Variants in STAT5B observed in about 807,000 individuals in gnomAD.
STAT5B encodes signal transducer and activator of transcription 5B.
In STAT5B, 21 loss-of-function variants were observed where a neutral mutation model predicts 107.8. The observed-to-expected ratio is 0.19, with a 90% CI of 0.14 to 0.28. The LOEUF (loss-of-function observed/expected upper bound fraction) is 0.28, where lower values mean the gene tolerates loss of function less well. STAT5B is among the 10% of genes least tolerant of loss of function. STAT5B has a pLI of 1.00. For synonymous variants in STAT5B, 325 were observed against 401.7 expected (o/e 0.81, Z 2.28); for missense variants, 565 against 1,008.2 (o/e 0.56, Z 5.95).
intron 13 of STAT5B, 129 bp from the exon 14 acceptor site, chr17:42,210,626 GCCTA>G: frequency 1.1e-6 from 1 of 879,684 alleles, no homozygotes; most frequent in Non-Finnish European, 1.8e-6. Context: ...AAATATCCCC[GCCTA>G]CCTGAGTTTT....
chr17:42,262,942 ATG>A (rs755220447), intron 1 of STAT5B, among the ~76,000 whole-genome samples: 5,181 of 45,112 alleles, frequency 0.11, 572 homozygotes, highest in African/African-American at 0.2. Context: ...ATGTATATAT[ATG>A]TGTGTGTGTG....
intron 3 of STAT5B, among the ~76,000 whole-genome samples, chr17:42,226,225 G>C (rs1207084210): frequency 3.3e-5 from 5 of 152,106 alleles, no homozygotes; most frequent in African/African-American, 1.2e-4. Context: ...GTGAGCCACT[G>C]CACCCAGCCT....
chr17:42,207,524 C>A (rs965478145), intron 16 of STAT5B, 34 bp downstream of exon 16: 16 of 1,471,394 alleles, frequency 1.1e-5, no homozygotes, highest in Non-Finnish European at 1.4e-5. Flanking sequence ...CACACACACA[C>A]AACAAAATCA....
intron 1 of STAT5B, among the ~76,000 whole-genome samples, chr17:42,264,574 G>T (rs367633376): frequency 2.0e-5 from 3 of 152,082 alleles, no homozygotes; most frequent in East Asian, 3.9e-4. Context: ...TCCATGGTGT[G>T]TATGTGCCAC....
chr17:42,252,669 T>C lies in STAT5B; in HGVS notation c.-10-20532A>G, dbSNP rs147362384. Among the ~76,000 whole-genome samples, 76 of 152,326 alleles carry C rather than the reference T, an allele frequency of 5.0e-4. No homozygotes were observed. In the East Asian group the frequency reaches 0.013, roughly 25 times the overall value. ...TTATTACAGGAATAATGGGAGTGAATCACACTTTATAGAAACCATGACGGA... is the reference window on the plus strand; with the variant it reads ...TTATTACAGGAATAATGGGAGTGAACCACACTTTATAGAAACCATGACGGA... On this transcript the variant is annotated intron_variant, in intron 1 of 18. Coordinates refer to ENST00000293328, the MANE Select transcript of STAT5B (RefSeq NM_012448.4).
intron 1 of STAT5B, among the ~76,000 whole-genome samples, chr17:42,248,028 A>G (rs867466092): frequency 1.4e-4 from 21 of 152,044 alleles, no homozygotes; most frequent in African/African-American, 3.6e-4. Flanking sequence ...CTGTAAACCC[A>G]GCACTCTGGG....
rs2144245550 is a variant in STAT5B, at chr17:42,218,230, T to C, written c.1090A>G (p.Met364Val). 6.2e-7 allele frequency: 1 copy of C among 1,614,158 alleles called. No individual in the cohort carries two copies. Among genetic ancestry groups the C allele is most frequent in the Non-Finnish European group, 8.5e-7 (1 of 1,180,016 alleles). Residue 364 changes from methionine (M) to valine (V), a missense_variant, in exon 9 of 19, where the codon ATG becomes GTG. This residue lies in a region of STAT5B where 70 missense variants were observed against 73.2 expected (regional missense o/e 0.96). Transcript: ENST00000293328. ...LLVGGKLNVHMNPPQVKATII... is the reference protein window; with the variant it reads ...LLVGGKLNVHVNPPQVKATII... ...GTGGCCTTCACCTGGGGGGGGTTCA[T>C]GTGCACGTTCAGCTTCCCGCCCACC...
At chr17:42,206,575 T>C (rs927851148) in intron 16 of STAT5B, among the ~76,000 whole-genome samples, 19 of 152,326 alleles carry the variant, frequency 1.2e-4, no homozygotes, top group Admixed American at 5.9e-4. Context: ...TTTTTTGTTT[T>C]CTTTTCTTTT....
chr17:42,209,836 T>G (rs1327582759), intron 15 of STAT5B, among the ~76,000 whole-genome samples: 1 of 152,206 alleles, frequency 6.6e-6, no homozygotes, highest in Non-Finnish European at 1.5e-5. Context: ...TGAAATAAGC[T>G]TTATGCAGAG....
chr17:42,278,234 C>T (rs966986275), upstream of STAT5B, among the ~76,000 whole-genome samples: 5 of 152,178 alleles, frequency 3.3e-5, no homozygotes, highest in South Asian at 4.1e-4. Flanking sequence ...TGTTGAAGGA[C>T]AATTTCATGT....
chr17:42,260,043 A>G (rs115125369), intron 1 of STAT5B, among the ~76,000 whole-genome samples: 2,087 of 152,276 alleles, frequency 0.014, 39 homozygotes, highest in African/African-American at 0.048. Context: ...GAAGGCCTAT[A>G]GCCACACTGT....
chr17:42,263,832 CTGTT>C (rs1397365586), intron 1 of STAT5B, among the ~76,000 whole-genome samples: 2 of 150,800 alleles, frequency 1.3e-5, no homozygotes, highest in African/African-American at 2.4e-5. Flanking sequence ...CAGCCATAAT[CTGTT>C]TATTATAGAA....
Position 42,210,878 on chromosome 17 carries a change from T to C in STAT5B, c.1681-381A>G, listed in dbSNP as rs540956511. ...TTTAAAACACCTTGGGGGTGGGGGG[T>C]GTAGGAAAAGAAACAAAAATTAAAT... On this transcript the variant is annotated intron_variant, in intron 13 of 18. Transcript: ENST00000293328. Among the ~76,000 whole-genome samples, 360 of 151,518 alleles carry C rather than the reference T, an allele frequency of 2.4e-3. 1 individual carries two copies. Among genetic ancestry groups the C allele is most frequent in the Non-Finnish European group, 2.8e-3 (190 of 67,898 alleles).
chr17:42,263,871 G>GCACACA (rs3222522), intron 1 of STAT5B, among the ~76,000 whole-genome samples: 8,388 of 144,936 alleles, frequency 0.058, 272 homozygotes, highest in East Asian at 0.092. Flanking sequence ...TAGAAAGCGC[G>GCACACA]CACACACACA....
At chr17:42,240,881 C>T (rs959590324) in intron 1 of STAT5B, among the ~76,000 whole-genome samples, 1 of 152,182 alleles carries the variant, frequency 6.6e-6, no homozygotes, top group African/African-American at 2.4e-5. Flanking sequence ...AAACCTAATA[C>T]TGAGGGGCTC....
chr17:42,211,906 G>C, intron 13 of STAT5B, 78 bp downstream of exon 13: 5 of 1,545,750 alleles, frequency 3.2e-6, no homozygotes. Context: ...AAGAATAAGG[G>C]CCCAGGGCAG....
chr17:42,227,393 A>G, intron 3 of STAT5B, 136 bp downstream of exon 3: 1 of 1,225,432 alleles, frequency 8.2e-7, no homozygotes, highest in Non-Finnish European at 1.1e-6. Context: ...AAAAAAAAAA[A>G]GACCAAAACC....
intron 1 of STAT5B, among the ~76,000 whole-genome samples, chr17:42,251,549 C>G (rs1363087332): frequency 6.6e-6 from 1 of 152,098 alleles, no homozygotes; most frequent in African/African-American, 2.4e-5. Flanking sequence ...GTGTGTAAGA[C>G]AGGATAACAA....
intron 9 of STAT5B, 74 bp downstream of exon 9, chr17:42,218,077 A>T: frequency 1.3e-6 from 2 of 1,561,954 alleles, no homozygotes; most frequent in South Asian, 1.2e-5. Flanking sequence ...CTGACACAGG[A>T]GGCAGAATTC....
Sources: allele counts gnomAD v4.1 joint callset (sites outside exome capture counted in the v4.1 genomes callset), GRCh38; gene constraint gnomAD v4.1.1; regional missense constraint gnomAD v4.1.1; transcripts MANE v1.5; gene names NCBI Gene and HGNC (gene_info 2026-07-23, HGNC 2026-07-21).